The following SYT9 variants were observed in gnomAD, a reference collection of about 807,000 sequenced individuals.
SYT9 encodes the protein synaptotagmin 9.
A neutral mutation model predicts 48.4 loss-of-function variants in SYT9; 22 were observed. The observed-to-expected ratio is 0.45, with a 90% confidence interval of 0.32 to 0.65. SYT9 has a LOEUF of 0.65. Ranked by LOEUF, SYT9 falls within the 30% of genes least tolerant of loss-of-function variation. SYT9 has a pLI of 0.03. For synonymous variants in SYT9, 265 were observed against 245.0 expected (o/e 1.08, Z -0.76); for missense variants, 577 against 622.0 (o/e 0.93, Z 0.77).
At chr11:7,445,125 A>G (rs7937007) in intron 6 of SYT9, among the ~76,000 whole-genome samples, 15,785 of 152,264 alleles carry the variant, frequency 0.1, 1,283 homozygotes, top group African/African-American at 0.24. Context: ...CAACACAACA[A>G]TAGATCCTAC....
At chr11:7,329,815 A>G (rs550260934) in intron 3 of SYT9, among the ~76,000 whole-genome samples, 2 of 152,284 alleles carry the variant, frequency 1.3e-5, no homozygotes, top group South Asian at 4.1e-4. Flanking sequence ...CTTTTATTGA[A>G]TCTGAGTCTG....
intron 6 of SYT9, among the ~76,000 whole-genome samples, chr11:7,452,287 A>G (rs904843104): frequency 6.6e-6 from 1 of 152,214 alleles, no homozygotes; most frequent in African/African-American, 2.4e-5. Context: ...CAAGTATTAG[A>G]TAAGAATGTC....
chr11:7,279,323 A>G (rs1223783943), intron 1 of SYT9, among the ~76,000 whole-genome samples: 1 of 152,122 alleles, frequency 6.6e-6, no homozygotes, highest in Non-Finnish European at 1.5e-5. Flanking sequence ...CAATATTTTT[A>G]TTGGGCAGTT....
At chr11:7,256,019 A>C (rs1342493101) in intron 1 of SYT9, among the ~76,000 whole-genome samples, 1 of 152,116 alleles carries the variant, frequency 6.6e-6, no homozygotes, top group Non-Finnish European at 1.5e-5. Context: ...TCTTGATTAT[A>C]CTTTTTTTGG....
At chr11:7,352,227 T>TACTA (rs1309434087) in intron 3 of SYT9, among the ~76,000 whole-genome samples, 1 of 152,198 alleles carries the variant, frequency 6.6e-6, no homozygotes, top group Non-Finnish European at 1.5e-5. Context: ...GTTTTCCTTC[T>TACTA]TGAAGAAGCA....
chr11:7,451,823 G>C (rs1472879963), intron 6 of SYT9, among the ~76,000 whole-genome samples: 1 of 152,210 alleles, frequency 6.6e-6, no homozygotes, highest in African/African-American at 2.4e-5. Flanking sequence ...TTGAGAAGTA[G>C]AGAAGGTGAT....
At chr11:7,294,829 C>G (rs1303853786) in intron 1 of SYT9, among the ~76,000 whole-genome samples, 1 of 152,246 alleles carries the variant, frequency 6.6e-6, no homozygotes, top group Non-Finnish European at 1.5e-5. Context: ...ATTGCCATCC[C>G]TTTTGAAACC....
At chr11:7,273,054 C>G (rs1225521678) in intron 1 of SYT9, among the ~76,000 whole-genome samples, 3 of 152,128 alleles carry the variant, frequency 2.0e-5, no homozygotes, top group East Asian at 3.9e-4. Flanking sequence ...AGTTATCTAT[C>G]TTATGATAGA....
At chr11:7,380,251 C>G (rs1469481635) in intron 3 of SYT9, among the ~76,000 whole-genome samples, 1 of 150,868 alleles carries the variant, frequency 6.6e-6, no homozygotes, top group Non-Finnish European at 1.5e-5. Context: ...TACTTGAACT[C>G]ATGGAGATAG....
At chr11:7,278,147 A>G (rs1395832891) in intron 1 of SYT9, among the ~76,000 whole-genome samples, 1 of 152,204 alleles carries the variant, frequency 6.6e-6, no homozygotes, top group East Asian at 1.9e-4. Flanking sequence ...CCCTGGGTCG[A>G]GGCAGGGTAT....
At chr11:7,355,697 G>A (rs1678702506) in intron 3 of SYT9, among the ~76,000 whole-genome samples, 3 of 152,218 alleles carry the variant, frequency 2.0e-5, no homozygotes, top group African/African-American at 4.8e-5. Context: ...CAGTGGGATT[G>A]ATGGAACTCA....
chr11:7,241,814 T>C (rs1847743531), intron 1 of SYT9, among the ~76,000 whole-genome samples: 1 of 152,232 alleles, frequency 6.6e-6, no homozygotes, highest in African/African-American at 2.4e-5. Context: ...AAAGACTGTA[T>C]ATCAAATTTG....
chr11:7,381,009 TCTCC>T (rs1850551733), intron 3 of SYT9, among the ~76,000 whole-genome samples: 1 of 152,182 alleles, frequency 6.6e-6, no homozygotes, highest in Non-Finnish European at 1.5e-5. Flanking sequence ...AAATTCTATT[TCTCC>T]TTCTAAACAA....
At chr11:7,386,015 A>G (rs1049030073) in intron 3 of SYT9, among the ~76,000 whole-genome samples, 5 of 152,178 alleles carry the variant, frequency 3.3e-5, no homozygotes, top group African/African-American at 1.2e-4. Context: ...TGCTCTATTT[A>G]TTTAGACTTT....
At chr11:7,302,408 G>A (rs1848938490) in intron 1 of SYT9, among the ~76,000 whole-genome samples, 1 of 152,030 alleles carries the variant, frequency 6.6e-6, no homozygotes, top group African/African-American at 2.4e-5. Flanking sequence ...TTGTTTTAGG[G>A]TATGCTACTG....
At chr11:7,462,846 A>G (rs544966682) in intron 6 of SYT9, among the ~76,000 whole-genome samples, 51 of 152,236 alleles carry the variant, frequency 3.4e-4, no homozygotes, top group Non-Finnish European at 6.8e-4. Context: ...ATTCACAGAG[A>G]GATATTATCT....
At position 7,463,089 on chromosome 11, in the gene SYT9, T is replaced by A. The variant is rs1271847493; in HGVS notation, c.1468-3703T>A. ...AGATAGGATTGTAACCACTACTTCC[T>A]GTTGATACTACTGGAGTTGTTGGTA... On this transcript the variant is annotated intron_variant, in intron 6 of 6. Transcript: ENST00000318881. Among the ~76,000 whole-genome samples the A allele has an allele frequency of 2.6e-5, 4 of 152,236 alleles. No individual in the cohort carries two copies. In the East Asian group the frequency reaches 7.7e-4, roughly 29 times the overall value.
intron 3 of SYT9, among the ~76,000 whole-genome samples, chr11:7,402,099 A>G (rs1846905414): frequency 6.6e-6 from 1 of 151,986 alleles, no homozygotes; most frequent in African/African-American, 2.4e-5. Flanking sequence ...TAATTTGTGG[A>G]TAATTTGGAA....
intron 1 of SYT9, among the ~76,000 whole-genome samples, chr11:7,270,324 G>A (rs749356278): frequency 3.4e-4 from 52 of 152,270 alleles, no homozygotes; most frequent in Non-Finnish European, 6.0e-4. Flanking sequence ...CATAAACGCT[G>A]TTATAGGCTG....
Sources: gnomAD v4.1 joint callset for allele counts (sites outside exome capture counted in the v4.1 genomes callset) on GRCh38, gnomAD v4.1.1 for gene constraint, MANE v1.5 for transcripts, NCBI Gene and HGNC (gene_info 2026-07-23, HGNC 2026-07-21) for gene names.